The following SRGAP3 variants were observed in gnomAD, a reference collection of about 807,000 sequenced individuals.
The protein encoded by SRGAP3 is SLIT-ROBO Rho GTPase-activating protein 3.
In SRGAP3, 39 loss-of-function variants were observed where a neutral mutation model predicts 121.1. The ratio of observed to expected loss-of-function variants is 0.32; its 90% CI spans 0.25 to 0.42. SRGAP3 has a LOEUF of 0.42. Ranked by LOEUF, SRGAP3 falls within the 10% of genes least tolerant of loss-of-function variation. The pLI, the probability that SRGAP3 is intolerant of heterozygous loss-of-function variation, is 1.00. For missense variants in SRGAP3, 1,213 were observed against 1,470.6 expected, an observed-to-expected ratio of 0.82 and a Z score of 2.86; for synonymous variants, 601 against 570.0, an observed-to-expected ratio of 1.05 and a Z score of -0.77.
chr3:9,140,725 T>C (rs534558117), intron 1 of SRGAP3, among the ~76,000 whole-genome samples: 3 of 152,380 alleles, frequency 2.0e-5, no homozygotes, highest in South Asian at 4.1e-4. Flanking sequence ...ATGGGCTAGG[T>C]TGGCCTGTGG....
chr3:9,155,839 G>C (rs889038654), intron 1 of SRGAP3, among the ~76,000 whole-genome samples: 4 of 151,960 alleles, frequency 2.6e-5, no homozygotes, highest in African/African-American at 9.7e-5. Context: ...TTCTTGAGAC[G>C]GAGTCTCGCT....
chr3:9,097,576 G>A (rs557514936), intron 3 of SRGAP3, among the ~76,000 whole-genome samples: 71 of 152,322 alleles, frequency 4.7e-4, no homozygotes, highest in African/African-American at 1.5e-3. Context: ...CTGCTTTGGT[G>A]TGGATTCCGT....
intron 11 of SRGAP3, chr3:9,036,341 A>G (rs1239423111): frequency 6.6e-6 from 1 of 152,192 alleles, no homozygotes; most frequent in Non-Finnish European, 1.5e-5. Flanking sequence ...TTAAATCATG[A>G]TTTTGGAGGT....
chr3:9,086,957 G>C (rs1256066941), intron 3 of SRGAP3, among the ~76,000 whole-genome samples: 2 of 150,900 alleles, frequency 1.3e-5, no homozygotes, highest in African/African-American at 4.9e-5. Flanking sequence ...AGTTTGCTGG[G>C]GTAGAGTCAA....
chr3:9,089,275 C>G (rs1010584963), intron 3 of SRGAP3, among the ~76,000 whole-genome samples: 1 of 58,650 alleles, frequency 1.7e-5, no homozygotes, highest in Non-Finnish European at 3.3e-5. Flanking sequence ...TCCCACTTGA[C>G]AGATAAGTGG....
chr3:9,308,144 GAC>G (rs1955187647), intron 3 of SRGAP3, among the ~76,000 whole-genome samples: 1 of 152,172 alleles, frequency 6.6e-6, no homozygotes, highest in Non-Finnish European at 1.5e-5. Flanking sequence ...GACAGAGCTA[GAC>G]TCTGTCTCAA....
intron 1 of SRGAP3, among the ~76,000 whole-genome samples, chr3:9,181,017 T>C (rs1356129879): frequency 3.9e-5 from 6 of 152,160 alleles, no homozygotes; most frequent in African/African-American, 1.4e-4. Flanking sequence ...GGCAAAAAAG[T>C]GCATGTGATT....
intron 3 of SRGAP3, among the ~76,000 whole-genome samples, chr3:9,262,674 T>A (rs1954279154): frequency 6.6e-6 from 1 of 151,788 alleles, no homozygotes. Flanking sequence ...GAGCTAATTA[T>A]CCTAAATATA....
intron 3 of SRGAP3, among the ~76,000 whole-genome samples, chr3:9,094,297 T>C (rs530814): frequency 0.31 from 47,683 of 152,076 alleles, 7,891 homozygotes; most frequent in South Asian, 0.38. Flanking sequence ...TTGATACTTG[T>C]AGATCTAGCT....
At chr3:9,328,118 T>C (rs1365247965) in intron 2 of SRGAP3, among the ~76,000 whole-genome samples, 1 of 152,252 alleles carries the variant, frequency 6.6e-6, no homozygotes, top group African/African-American at 2.4e-5. Context: ...ATTTTATCAA[T>C]AATCTTTAAA....
chr3:9,058,239 G>A lies in SRGAP3; in HGVS notation c.1023+12C>T, dbSNP rs756117600. The A allele has an allele frequency of 2.5e-6, 4 of 1,613,864 alleles. No homozygotes were observed. In the South Asian group the frequency reaches 4.4e-5, roughly 18 times the overall value. On this transcript the variant is annotated intron_variant, in intron 7 of 21. Coordinates refer to ENST00000383836, the MANE Select transcript of SRGAP3 (RefSeq NM_014850.4). ...AAGCAGCCCCAAGCCCGGGCTCCAG[G>A]AGGAAGCCTACCTCATCCCCCATGT...
intron 5 of SRGAP3, among the ~76,000 whole-genome samples, chr3:9,063,028 A>T (rs1361201725): frequency 2.0e-5 from 3 of 150,802 alleles, no homozygotes; most frequent in Non-Finnish European, 4.4e-5. Flanking sequence ...TACTTCCTAT[A>T]GTCTGCCTTT....
chr3:9,264,703 T>C (rs936550069), intron 3 of SRGAP3, among the ~76,000 whole-genome samples: 2 of 151,246 alleles, frequency 1.3e-5, no homozygotes, highest in Non-Finnish European at 3.0e-5. Context: ...TACAGAGCAC[T>C]GCTCAAGGAA....
intron 3 of SRGAP3, among the ~76,000 whole-genome samples, chr3:9,297,690 G>C (rs1358908812): frequency 6.6e-6 from 1 of 152,098 alleles, no homozygotes; most frequent in African/African-American, 2.4e-5. Flanking sequence ...GAGGTCAGGA[G>C]TTCGAGACCA....
chr3:9,100,455 G>A (rs959765571), intron 3 of SRGAP3, among the ~76,000 whole-genome samples: 1 of 152,190 alleles, frequency 6.6e-6, no homozygotes, highest in Non-Finnish European at 1.5e-5. Context: ...CACCGAGGAG[G>A]AAGACATGGA....
chr3:9,114,839 A>G (rs552761642), intron 2 of SRGAP3, among the ~76,000 whole-genome samples: 36 of 152,298 alleles, frequency 2.4e-4, no homozygotes, highest in East Asian at 2.1e-3. Context: ...TGTGCAGGTC[A>G]TTTAATCTTC....
intron 6 of SRGAP3, 177 bp from the exon 7 acceptor site, chr3:9,058,649 A>T: frequency 1.9e-6 from 1 of 515,124 alleles, no homozygotes; most frequent in Non-Finnish European, 3.5e-6. Context: ...CCTCAAGGGG[A>T]GTTGCGGTTG....
chr3:9,023,416 C>A (rs1944022290), intron 14 of SRGAP3, among the ~76,000 whole-genome samples: 1 of 152,158 alleles, frequency 6.6e-6, no homozygotes, highest in African/African-American at 2.4e-5. Context: ...TGCTTTCTGA[C>A]CTTTGCACAT....
At chr3:9,117,133 A>G (rs1948833550) in intron 2 of SRGAP3, among the ~76,000 whole-genome samples, 1 of 152,258 alleles carries the variant, frequency 6.6e-6, no homozygotes, top group African/African-American at 2.4e-5. Context: ...TAATAGTAAT[A>G]GCTGTGAATG....
Sources: gnomAD v4.1 joint callset for allele counts (sites outside exome capture counted in the v4.1 genomes callset) on GRCh38, gnomAD v4.1.1 for gene constraint, MANE v1.5 for transcripts, NCBI Gene and HGNC (gene_info 2026-07-23, HGNC 2026-07-21) for gene names.